The following BACH2 variants were observed in gnomAD, a reference collection of about 807,000 sequenced individuals.
BACH2 encodes BACH transcriptional regulator 2, also known as transcription regulator protein BACH2.
A neutral mutation model predicts 61.8 loss-of-function variants in BACH2; 5 were observed. The observed-to-expected ratio is 0.08, with a 90% confidence interval of 0.04 to 0.17. The LOEUF (loss-of-function observed/expected upper bound fraction) is 0.17. BACH2 is among the 10% of genes least tolerant of loss of function. The pLI is 1.00. For missense variants in BACH2, 824 were observed against 1,091.1 expected, an observed-to-expected ratio of 0.76 and a Z score of 3.45; for synonymous variants, 446 against 440.1, an observed-to-expected ratio of 1.01 and a Z score of -0.17.
At chr6:89,958,982 A>G (rs946733304) in intron 6 of BACH2, among the ~76,000 whole-genome samples, 4 of 152,150 alleles carry the variant, frequency 2.6e-5, no homozygotes, top group Non-Finnish European at 4.4e-5. Context: ...TTCAAGTGAC[A>G]AGAGAACATT....
rs746675832 is a variant in BACH2 at position 90,227,805 on chromosome 6, TA to T, written c.-274-21125del. Among the ~76,000 whole-genome samples the T allele has an allele frequency of 8.6e-3, 1,230 of 143,300 alleles. 8 individuals are homozygous for T. The highest frequency in any genetic ancestry group is 0.012 in the Non-Finnish European group (765 of 65,064). The allele number at this position is 143,300 out of a possible 152,430, so 94.0% of individuals were successfully genotyped here. On this transcript the variant is annotated intron_variant, in intron 3 of 8. Coordinates refer to ENST00000257749, the MANE Select transcript of BACH2 (RefSeq NM_021813.4). ...AACAGAAACTCCTGATATATCCCTT[TA>T]AAAAAAAAAAAGCTCTTCCAAAGTA...
chr6:90,248,450 A>G (rs1293276128), intron 3 of BACH2, among the ~76,000 whole-genome samples: 2 of 152,224 alleles, frequency 1.3e-5, no homozygotes, highest in Non-Finnish European at 2.9e-5. Flanking sequence ...TATTAAAGAA[A>G]CAAATGTATG....
chr6:90,148,742 T>G (rs908179882), intron 4 of BACH2, among the ~76,000 whole-genome samples: 9 of 152,172 alleles, frequency 5.9e-5, no homozygotes, highest in Non-Finnish European at 1.0e-4. Context: ...GTAAGACACA[T>G]TCAGGAATGG....
chr6:90,283,346 T>C (rs1771914813), intron 1 of BACH2, among the ~76,000 whole-genome samples: 1 of 152,094 alleles, frequency 6.6e-6, no homozygotes, highest in Non-Finnish European at 1.5e-5. Flanking sequence ...CACTTTTTTT[T>C]CCAACAATAA....
intron 6 of BACH2, among the ~76,000 whole-genome samples, chr6:89,999,305 C>T (rs138662770): frequency 4.6e-5 from 7 of 152,338 alleles, no homozygotes; most frequent in South Asian, 4.1e-4. Context: ...ACCACTGCAT[C>T]GTGAGTGACT....
At chr6:90,284,100 A>G (rs530576101) in intron 1 of BACH2, among the ~76,000 whole-genome samples, 6 of 152,328 alleles carry the variant, frequency 3.9e-5, no homozygotes, top group South Asian at 2.1e-4. Flanking sequence ...CTAGAAATTC[A>G]GTTGCTTTGA....
chr6:90,237,522 C>T (rs1381149085), intron 3 of BACH2, among the ~76,000 whole-genome samples: 5 of 152,160 alleles, frequency 3.3e-5, no homozygotes, highest in Non-Finnish European at 7.3e-5. Flanking sequence ...TTAATACTCA[C>T]GGTGAATGCA....
chr6:90,163,461 T>C (rs1027113288), intron 4 of BACH2, among the ~76,000 whole-genome samples: 1 of 152,178 alleles, frequency 6.6e-6, no homozygotes, highest in African/African-American at 2.4e-5. Context: ...AATTTTTATT[T>C]GAATTTGGAA....
intron 6 of BACH2, among the ~76,000 whole-genome samples, chr6:89,980,018 C>T (rs908121276): frequency 2.6e-5 from 4 of 152,148 alleles, no homozygotes; most frequent in Admixed American, 1.3e-4. Context: ...AGAGGCCAGG[C>T]GTGGTGGCTC....
intron 6 of BACH2, among the ~76,000 whole-genome samples, chr6:89,993,810 T>C (rs1412323672): frequency 6.6e-6 from 1 of 151,960 alleles, no homozygotes; most frequent in African/African-American, 2.4e-5. Flanking sequence ...ATGTTTTTTT[T>C]TTTTTGAATT....
intron 4 of BACH2, among the ~76,000 whole-genome samples, chr6:90,149,597 G>A (rs1015883295): frequency 1.3e-5 from 2 of 152,126 alleles, no homozygotes; most frequent in African/African-American, 2.4e-5. Flanking sequence ...CAGCATAAAC[G>A]AAACATTCAA....
At chr6:90,011,919 CAA>C (rs1162835089) in intron 5 of BACH2, among the ~76,000 whole-genome samples, 2 of 120,992 alleles carry the variant, frequency 1.7e-5, no homozygotes, top group Non-Finnish European at 1.8e-5. Flanking sequence ...GACTCTGTCT[CAA>C]AAAAAAAAAT....
rs564961344 is a variant in BACH2, at chr6:89,931,879, A to G, written c.*529T>C. The G allele has an allele frequency of 1.8e-4, 27 of 151,532 alleles. No homozygotes were observed. The South Asian group carries it at 4.2e-3, about 23-fold the overall frequency. The allele number at this position is 151,532 out of a possible 1,614,324, so 9.4% of individuals were successfully genotyped here. ...GTTGGAACCTGTTTCTAAATGAGAA[A>G]TAAGTTTCCAGTTTTAGGATGAGAA... is the stretch of plus-strand genomic sequence containing the variant. On this transcript the variant is annotated 3_prime_UTR_variant, in exon 9 of 9. Coordinates refer to ENST00000257749, the MANE Select transcript of BACH2 (RefSeq NM_021813.4).
At chr6:89,979,451 A>C (rs1775834363) in intron 6 of BACH2, among the ~76,000 whole-genome samples, 1 of 152,244 alleles carries the variant, frequency 6.6e-6, no homozygotes, top group Admixed American at 6.5e-5. Context: ...ATGACAATAC[A>C]GTGTAACAGC....
chr6:90,181,038 T>G lies in BACH2; in HGVS notation c.-162+25531A>C, dbSNP rs533483204. 4.6e-5 allele frequency among the ~76,000 whole-genome samples: 7 copies of G among 152,300 alleles called. No homozygotes were observed. The South Asian group carries it at 1.2e-3, about 27-fold the overall frequency. ...TCTTCTTTGGGTAGATACCCAGTAG[T>G]GGGATTGCTGGGTTGAATAGTAGAT... is the stretch of plus-strand genomic sequence containing the variant. On this transcript the variant is annotated intron_variant, in intron 4 of 8. Transcript: ENST00000257749.
intron 3 of BACH2, among the ~76,000 whole-genome samples, chr6:90,240,400 A>G (rs1485426980): frequency 2.0e-5 from 3 of 152,226 alleles, no homozygotes; most frequent in African/African-American, 7.2e-5. Flanking sequence ...GAATTTTAAT[A>G]TAATTTATGT....
In BACH2 at chr6:90,103,029, A is replaced by ATATTTTTTTTTT; in HGVS notation, c.-161-13921_-161-13920insAAAAAAAAAATA. ...TACATATATATATATATATATATAT[A>ATATTTTTTTTTT]TTTTTTTTTTTTTTTTTTTTTTACC... On this transcript the variant is annotated intron_variant, in intron 4 of 8. Transcript: ENST00000257749. 1.3e-3 allele frequency among the ~76,000 whole-genome samples: 28 copies of ATATTTTTTTTTT among 21,162 alleles called. 1 individual carries two copies. The highest frequency in any genetic ancestry group is 1.8e-3 in the Admixed American group (2 of 1,106). 13.9% of individuals were successfully genotyped at this position (21,162 alleles called of 152,430 possible). A position where few individuals can be genotyped will look rare whatever the true frequency, so the allele number is the denominator to read the frequency against.
At chr6:90,241,900 T>G (rs989072604) in intron 3 of BACH2, among the ~76,000 whole-genome samples, 1 of 152,178 alleles carries the variant, frequency 6.6e-6, no homozygotes, top group African/African-American at 2.4e-5. Context: ...GGAGTATTGT[T>G]TTTTTATTTC....
intron 4 of BACH2, among the ~76,000 whole-genome samples, chr6:90,121,428 T>C (rs1290717364): frequency 6.6e-6 from 1 of 152,210 alleles, no homozygotes; most frequent in Non-Finnish European, 1.5e-5. Flanking sequence ...TAAAATTTTC[T>C]AACTTTTCTT....
Sources: allele counts gnomAD v4.1 joint callset (sites outside exome capture counted in the v4.1 genomes callset), GRCh38; gene constraint gnomAD v4.1.1; transcripts MANE v1.5; gene names NCBI Gene and HGNC (gene_info 2026-07-23, HGNC 2026-07-21).